ARHGAP12: variants seen among roughly 807,000 people sequenced by gnomAD.
The protein encoded by ARHGAP12 is Rho GTPase activating protein 12, also known as rho GTPase-activating protein 12.
Under a neutral mutation model 108.6 loss-of-function variants are expected in ARHGAP12, and 64 were observed. The ratio of observed to expected loss-of-function variants is 0.59; its 90% CI spans 0.48 to 0.73. The LOEUF (loss-of-function observed/expected upper bound fraction) is 0.73. ARHGAP12 is among the 30% of genes least tolerant of loss of function. ARHGAP12 has a pLI of 0.00. For synonymous variants in ARHGAP12, 312 were observed against 337.2 expected, an observed-to-expected ratio of 0.93 and a Z score of 0.82; for missense variants, 940 against 1,005.9, an observed-to-expected ratio of 0.93 and a Z score of 0.89.
At chr10:31,908,032 T>C in intron 3 of ARHGAP12, 140 bp downstream of exon 3, 1 of 767,514 alleles carries the variant, frequency 1.3e-6, no homozygotes. Flanking sequence ...TTTCTAGATC[T>C]CTAAATCAGG....
At chr10:31,825,872 AG>A (rs745538159) in intron 11 of ARHGAP12, among the ~76,000 whole-genome samples, 1 of 152,212 alleles carries the variant, frequency 6.6e-6, no homozygotes, top group African/African-American at 2.4e-5. Context: ...CTGACAATCC[AG>A]ACACTGACAC....
intron 13 of ARHGAP12, among the ~76,000 whole-genome samples, chr10:31,816,474 C>T (rs1835209898): frequency 6.6e-6 from 1 of 152,150 alleles, no homozygotes; most frequent in South Asian, 2.1e-4. Flanking sequence ...CAGTATCTGA[C>T]TGTGTGCTGC....
At chr10:31,866,804 A>T (rs1033509910) in intron 3 of ARHGAP12, among the ~76,000 whole-genome samples, 25 of 152,122 alleles carry the variant, frequency 1.6e-4, no homozygotes, top group African/African-American at 6.0e-4. Flanking sequence ...TTTAGTAGAG[A>T]CAGGATTTCT....
chr10:31,808,580 C>T, intron 19 of ARHGAP12, 69 bp downstream of exon 19: 1 of 1,394,022 alleles, frequency 7.2e-7, no homozygotes, highest in Admixed American at 1.9e-5. Context: ...TCTGAGTGAC[C>T]CTGGCCCCAC....
At chr10:31,867,160 G>T (rs1199908872) in intron 3 of ARHGAP12, among the ~76,000 whole-genome samples, 2 of 150,674 alleles carry the variant, frequency 1.3e-5, no homozygotes, top group Non-Finnish European at 3.0e-5. Flanking sequence ...TGTCACCCAG[G>T]TTGGAGTGCA....
chr10:31,907,854 T>C lies in ARHGAP12; in HGVS notation c.684+318A>G, dbSNP rs185815831. Among the ~76,000 whole-genome samples the C allele has an allele frequency of 1.2e-4, 18 of 152,230 alleles. No homozygotes were observed. In the East Asian group the frequency reaches 3.1e-3, roughly 26 times the overall value. On this transcript the variant is annotated intron_variant, in intron 3 of 19. Transcript: ENST00000344936. ...TAAAAATTTTTTCTATTAGAAGAAA[T>C]ATCATCACTGAGTAAATTAAGTAAA...
At chr10:31,836,736 G>A (rs1298024327) in intron 9 of ARHGAP12, among the ~76,000 whole-genome samples, 1 of 152,182 alleles carries the variant, frequency 6.6e-6, no homozygotes, top group Non-Finnish European at 1.5e-5. Context: ...GTGAGAAAGA[G>A]ACGCAAGAAT....
chr10:31,831,677 T>C (rs1286192925), intron 10 of ARHGAP12, 62 bp downstream of exon 10: 5 of 1,137,710 alleles, frequency 4.4e-6, no homozygotes, highest in African/African-American at 1.6e-5. Context: ...AATAATTATA[T>C]TGAGAATTTT....
intron 3 of ARHGAP12, among the ~76,000 whole-genome samples, chr10:31,882,156 C>T (rs1045576230): frequency 2.2e-4 from 33 of 151,906 alleles, no homozygotes; most frequent in Non-Finnish European, 4.7e-4. Flanking sequence ...CCTCGTGATC[C>T]GCCCGCCTCG....
chr10:31,848,552 T>G (rs1391451164), intron 6 of ARHGAP12, among the ~76,000 whole-genome samples: 1 of 152,222 alleles, frequency 6.6e-6, no homozygotes, highest in Non-Finnish European at 1.5e-5. Context: ...TTCTTAACTA[T>G]GCTTTCATAT....
At chr10:31,922,200 AAAAAAAAAAAAAAAAAAAG>A (rs1839853816) in intron 1 of ARHGAP12, among the ~76,000 whole-genome samples, 1 of 42,646 alleles carries the variant, frequency 2.3e-5, no homozygotes, top group African/African-American at 6.8e-5. Flanking sequence ...AAAAAAAAAA[AAAAAAAAAAAAAAAAAAAG>A]CACAGATCAG....
At chr10:31,844,697 CTTTT>C (rs369721681) in intron 6 of ARHGAP12, among the ~76,000 whole-genome samples, 2 of 128,648 alleles carry the variant, frequency 1.6e-5, no homozygotes, top group Non-Finnish European at 1.6e-5. Flanking sequence ...GCACACTTGG[CTTTT>C]TTTTTTTTTT....
At chr10:31,916,355 C>G (rs1053503516) in intron 1 of ARHGAP12, among the ~76,000 whole-genome samples, 1 of 152,170 alleles carries the variant, frequency 6.6e-6, no homozygotes, top group East Asian at 1.9e-4. Context: ...CCGACACACA[C>G]GCCTGCTTAT....
At chr10:31,891,744 A>G (rs1838447270) in intron 3 of ARHGAP12, among the ~76,000 whole-genome samples, 1 of 151,966 alleles carries the variant, frequency 6.6e-6, no homozygotes, top group African/African-American at 2.4e-5. Context: ...TGGTCTTTTC[A>G]CATAGTCCCA....
intron 12 of ARHGAP12, 82 bp from the exon 13 acceptor site, chr10:31,817,968 T>A: frequency 1.0e-6 from 1 of 991,680 alleles, no homozygotes; most frequent in Non-Finnish European, 1.6e-6. Flanking sequence ...AATTCAAAGT[T>A]AACAAAACCA....
At chr10:31,880,381 G>A (rs1407444987) in intron 3 of ARHGAP12, among the ~76,000 whole-genome samples, 1 of 152,160 alleles carries the variant, frequency 6.6e-6, no homozygotes, top group African/African-American at 2.4e-5. Flanking sequence ...GGCCAGGACA[G>A]GAGGACTGCT....
chr10:31,893,342 C>A (rs994945024), intron 3 of ARHGAP12, among the ~76,000 whole-genome samples: 1 of 152,042 alleles, frequency 6.6e-6, no homozygotes, highest in African/African-American at 2.4e-5. Context: ...AATTGATAGA[C>A]TGCTAGCAAG....
intron 19 of ARHGAP12, 26 bp from the exon 20 acceptor site, chr10:31,807,858 A>T (rs768722787): frequency 1.4e-6 from 2 of 1,476,482 alleles, no homozygotes; most frequent in African/African-American, 2.9e-5. Flanking sequence ...GAAGTTGTTA[A>T]AAGAGAAAAT....
intron 7 of ARHGAP12, among the ~76,000 whole-genome samples, chr10:31,839,970 C>G (rs1023838449): frequency 6.6e-6 from 1 of 151,948 alleles, no homozygotes; most frequent in Non-Finnish European, 1.5e-5. Context: ...AGAAATGATA[C>G]AAGCTGCCTT....
Sources: allele counts gnomAD v4.1 joint callset (sites outside exome capture counted in the v4.1 genomes callset), GRCh38; gene constraint gnomAD v4.1.1; transcripts MANE v1.5; gene names NCBI Gene and HGNC (gene_info 2026-07-23, HGNC 2026-07-21).